Variants in RFX6 observed in about 807,000 individuals in gnomAD.
The protein encoded by RFX6 is regulatory factor X6, also known as DNA-binding protein RFX6.
A neutral mutation model predicts 110.8 loss-of-function variants in RFX6; 50 were observed. That is an observed-to-expected ratio of 0.45 (90% CI 0.36 to 0.57). RFX6 has a LOEUF of 0.57. Ranked by LOEUF, RFX6 falls within the 20% of genes least tolerant of loss-of-function variation. The pLI, the probability that RFX6 is intolerant of heterozygous loss-of-function variation, is 0.00. For synonymous variants in RFX6, 383 were observed against 411.2 expected, an observed-to-expected ratio of 0.93 and a Z score of 0.83; for missense variants, 990 against 1,127.0, an observed-to-expected ratio of 0.88 and a Z score of 1.74.
At chr6:116,906,817 T>C (rs1167526346) in intron 6 of RFX6, among the ~76,000 whole-genome samples, 6 of 151,302 alleles carry the variant, frequency 4.0e-5, no homozygotes, top group Admixed American at 3.3e-4. Context: ...GAACAGAGAT[T>C]TTCTACTTCT....
chr6:116,905,373 A>G (rs1442161537), intron 6 of RFX6, among the ~76,000 whole-genome samples: 1 of 152,100 alleles, frequency 6.6e-6, no homozygotes, highest in Non-Finnish European at 1.5e-5. Flanking sequence ...TCCTTTGCCC[A>G]TTATGAATCA....
intron 4 of RFX6, among the ~76,000 whole-genome samples, chr6:116,887,152 A>C (rs1157786898): frequency 1.3e-5 from 2 of 152,172 alleles, no homozygotes; most frequent in Non-Finnish European, 2.9e-5. Flanking sequence ...GATATCATCC[A>C]CTGTCAAAAT....
At position 116,931,473 on chromosome 6, in the gene RFX6, T is replaced by C. The variant is rs778946736; in HGVS notation, c.2754T>C (p.Thr918=). The change falls in exon 19 of 19, where the codon ACT becomes ACC. Residue 918 remains threonine (T), a synonymous_variant. Transcript: ENST00000332958. ...TGTCCTCTTTACCACCTATCAACAC[T>C]GTGTTCATGGGAACAGCAGCTGGAG... The part of the protein sequence containing the change: ...EMVSSLPPIN[T]VFMGTAAGGT 3.7e-6 allele frequency: 6 copies of C among 1,613,626 alleles called. No individual in the cohort carries two copies. The East Asian group carries it at 1.3e-4, about 36-fold the overall frequency.
Position 116,894,043 on chromosome 6 carries a change from A to C in RFX6, c.623A>C (p.Tyr208Ser). 6.3e-7 allele frequency: 1 copy of C among 1,597,532 alleles called. No homozygotes were observed. Reference sequence around the variant, plus strand: ...AGCAGTGCATATTACCACTCCGTTTATTCTGGAAAGGGCTTGACAAGGTAG... The same window carrying C: ...AGCAGTGCATATTACCACTCCGTTTCTTCTGGAAAGGGCTTGACAAGGTAG... ...KESSAYYHSVYSGKGLTRFSG... is the reference protein window; with the variant it reads ...KESSAYYHSVSSGKGLTRFSG... The change falls in exon 5 of 19, where the codon TAT (tyrosine) becomes TCT (serine). Residue 208 changes from tyrosine to serine, a missense_variant. Tyr to Ser is a moderately radical substitution (Grantham distance 144). This residue lies in a region of RFX6 where 243 missense variants were observed against 353.1 expected (regional missense o/e 0.69). Coordinates refer to ENST00000332958, the MANE Select transcript of RFX6 (RefSeq NM_173560.4).
chr6:116,920,706 A>G (rs1175501138), intron 12 of RFX6, among the ~76,000 whole-genome samples: 2 of 152,180 alleles, frequency 1.3e-5, no homozygotes, highest in Non-Finnish European at 2.9e-5. Flanking sequence ...GTTTATAAAA[A>G]TATTTTTAAT....
chr6:116,928,866 G>A lies in RFX6; in HGVS notation c.2506G>A (p.Asp836Asn), dbSNP rs1775815980. ...CATTCGTTCACTGCCCCCCTACAGTGACATCCACGATCCACTTAACATTTT... is the reference window on the plus strand; with the variant it reads ...CATTCGTTCACTGCCCCCCTACAGTAACATCCACGATCCACTTAACATTTT... Reference protein sequence around the residue: ...SSIRSLPPYSDIHDPLNILDD... With the variant: ...SSIRSLPPYSNIHDPLNILDD... The change falls in exon 18 of 19, where the codon GAC (aspartate) becomes AAC (asparagine). Residue 836 changes from aspartate (D) to asparagine (N), a missense_variant. Around this residue, in one of 5 missense-constraint regions of RFX6, gnomAD observed 438 missense variants for 441.9 expected, o/e 0.99. Coordinates refer to ENST00000332958, the MANE Select transcript of RFX6 (RefSeq NM_173560.4). The A allele has an allele frequency of 6.2e-7, 1 of 1,613,662 alleles. No homozygotes were observed. Among genetic ancestry groups the A allele is most frequent in the Non-Finnish European group, 8.5e-7 (1 of 1,179,716 alleles).
chr6:116,891,569 T>G (rs1276021450), intron 4 of RFX6, among the ~76,000 whole-genome samples: 2 of 152,228 alleles, frequency 1.3e-5, no homozygotes, highest in African/African-American at 4.8e-5. Flanking sequence ...GATCTCTGTT[T>G]TCAAACATTA....
chr6:116,906,284 C>T (rs540047759), intron 6 of RFX6, among the ~76,000 whole-genome samples: 4 of 152,242 alleles, frequency 2.6e-5, no homozygotes, highest in East Asian at 1.9e-4. Flanking sequence ...CTTTATAGTA[C>T]GTTTGAAATC....
At position 116,919,156 on chromosome 6, in the gene RFX6, A is replaced by C; in HGVS notation, c.1042A>C (p.Asn348His). The change falls in exon 11 of 19, where the codon AAT becomes CAT. Residue 348 changes from asparagine to histidine, a missense_variant. By Grantham distance (68) the Asn-to-His change is moderately conservative. Transcript: ENST00000332958. ...TTGTAGCTTATTAGCAGACATAAGA[A>C]ATTTTGCTAAAAATTGGGAACAGTG... is the stretch of plus-strand genomic sequence containing the variant. ...MPESLLADIR[N>H]FAKNWEQWVV... is the part of the protein sequence containing the mutation. The C allele has an allele frequency of 6.2e-7, 1 of 1,613,570 alleles. No individual in the cohort carries two copies. Among genetic ancestry groups the C allele is most frequent in the African/African-American group, 1.3e-5 (1 of 75,038 alleles).
intron 6 of RFX6, among the ~76,000 whole-genome samples, chr6:116,896,974 G>C (rs140021856): frequency 1.3e-5 from 2 of 152,256 alleles, no homozygotes; most frequent in East Asian, 3.9e-4. Flanking sequence ...ACAAAATGGT[G>C]AATGAAGAGA....
At chr6:116,895,272 T>C (rs766718124) in intron 6 of RFX6, 65 bp downstream of exon 6, 2 of 876,796 alleles carry the variant, frequency 2.3e-6, no homozygotes, top group Non-Finnish European at 3.8e-6. Flanking sequence ...GAGCAATACA[T>C]GTTAATTATT....
intron 10 of RFX6, among the ~76,000 whole-genome samples, chr6:116,918,679 A>G (rs1162736538): frequency 1.3e-5 from 2 of 151,922 alleles, no homozygotes; most frequent in African/African-American, 4.8e-5. Flanking sequence ...TGGGGGTACA[A>G]ATTCATATAG....
At chr6:116,899,821 C>T (rs2114677758) in intron 6 of RFX6, among the ~76,000 whole-genome samples, 1 of 152,122 alleles carries the variant, frequency 6.6e-6, no homozygotes, top group East Asian at 1.9e-4. Context: ...AAGAAAAACA[C>T]ACACATTGGA....
At chr6:116,893,231 CCCACTATTCCA>C (rs1170312294) in intron 4 of RFX6, among the ~76,000 whole-genome samples, 1 of 152,146 alleles carries the variant, frequency 6.6e-6, no homozygotes, top group Non-Finnish European at 1.5e-5. Context: ...TCACTAAATG[CCCACTATTCCA>C]CTAGCATGTG....
rs1485759457 is a variant in RFX6 at position 116,922,098 on chromosome 6, G to A, written c.1384G>A (p.Val462Met). 2.5e-6 allele frequency: 4 copies of A among 1,569,442 alleles called. No individual in the cohort carries two copies. Among genetic ancestry groups the A allele is most frequent in the Middle Eastern group, 1.7e-4 (1 of 5,968 alleles). Residue 462 changes from valine (V) to methionine (M), a missense_variant, in exon 13 of 19, where the codon GTG becomes ATG. Physicochemically the swap from Val to Met is conservative, Grantham distance 21. Transcript: ENST00000332958. ...GGATCTCCTTAAGAAGAATGCCACT[G>A]TGGAGGCTTTTATTGAATGGTTGGA... is the stretch of plus-strand genomic sequence containing the variant. ...LKDLLKKNATVEAFIEWLDTV... is the reference protein window; with the variant it reads ...LKDLLKKNATMEAFIEWLDTV...
At chr6:116,882,340 G>A (rs752748770) in intron 3 of RFX6, 27 bp from the exon 4 acceptor site, 16 of 1,582,136 alleles carry the variant, frequency 1.0e-5, no homozygotes, top group Middle Eastern at 1.7e-4. Context: ...ACTTTCTAAC[G>A]CCTAAAGTAA....
At chr6:116,888,066 C>T (rs1446099920) in intron 4 of RFX6, among the ~76,000 whole-genome samples, 1 of 152,176 alleles carries the variant, frequency 6.6e-6, no homozygotes, top group Non-Finnish European at 1.5e-5. Context: ...GATACGGCAG[C>T]TGCTCTTATC....
At position 116,931,698 on chromosome 6, in the gene RFX6, G is replaced by C; in HGVS notation, c.*192G>C. On this transcript the variant is annotated 3_prime_UTR_variant, in exon 19 of 19. Transcript: ENST00000332958. ...TTGCAGAGCTTGTCATGCACACTAA[G>C]AGTTTAAAATGTGAGCTCATTATTA... 1.8e-6 allele frequency: 1 copy of C among 542,262 alleles called. No homozygotes were observed. The highest frequency in any genetic ancestry group is 3.3e-6 in the Non-Finnish European group (1 of 307,128). The allele number at this position is 542,262 out of a possible 1,614,324, so 33.6% of individuals were successfully genotyped here.
At chr6:116,909,436 A>G (rs1455847790) in intron 6 of RFX6, among the ~76,000 whole-genome samples, 1 of 151,858 alleles carries the variant, frequency 6.6e-6, no homozygotes, top group Non-Finnish European at 1.5e-5. Flanking sequence ...TGTTTCCTAT[A>G]TTATTTTTCC....
Sources: gnomAD v4.1 joint callset for allele counts (sites outside exome capture counted in the v4.1 genomes callset) on GRCh38, gnomAD v4.1.1 for gene constraint, gnomAD v4.1.1 regional missense constraint, MANE v1.5 for transcripts, NCBI Gene and HGNC (gene_info 2026-07-23, HGNC 2026-07-21) for gene names.